The following SPTLC2 variants were observed in gnomAD, a reference collection of about 807,000 sequenced individuals.
SPTLC2 encodes the protein serine palmitoyltransferase long chain base subunit 2, also known as serine palmitoyltransferase 2.
SPTLC2 carries 21 observed loss-of-function variants against 62.0 expected under a neutral mutation model. The ratio of observed to expected loss-of-function variants is 0.34; its 90% confidence interval spans 0.24 to 0.49. The LOEUF is 0.49. Among genes scored for constraint, SPTLC2 ranks in the 20% least tolerant of loss-of-function variants. The pLI is 0.99. For synonymous variants in SPTLC2, 261 were observed against 261.8 expected (o/e 1.00, Z 0.03); for missense variants, 511 against 713.0 (o/e 0.72, Z 3.23).
chr14:77,561,149 G>A (rs903129241), intron 6 of SPTLC2, among the ~76,000 whole-genome samples: 2 of 152,128 alleles, frequency 1.3e-5, no homozygotes, highest in Non-Finnish European at 2.9e-5. Flanking sequence ...CCAGATGATG[G>A]TACAAAACTG....
At chr14:77,521,420 G>T (rs1406486842) in intron 10 of SPTLC2, 26 bp downstream of exon 10, 5 of 1,613,866 alleles carry the variant, frequency 3.1e-6, no homozygotes, top group Non-Finnish European at 4.2e-6. Context: ...AGGACAGACT[G>T]GTCTGTGATC....
chr14:77,613,311 G>T (rs1454188258), intron 1 of SPTLC2, among the ~76,000 whole-genome samples: 1 of 152,144 alleles, frequency 6.6e-6, no homozygotes, highest in Non-Finnish European at 1.5e-5. Flanking sequence ...ACTCCCAAAG[G>T]TTCTTTCCAA....
At chr14:77,612,859 A>G (rs1045054739) in intron 1 of SPTLC2, among the ~76,000 whole-genome samples, 1 of 152,214 alleles carries the variant, frequency 6.6e-6, no homozygotes, top group African/African-American at 2.4e-5. Context: ...TGTAAGCCAG[A>G]GAGCTCTCAT....
intron 2 of SPTLC2, among the ~76,000 whole-genome samples, chr14:77,589,641 T>C (rs2079803938): frequency 1.3e-5 from 2 of 151,918 alleles, no homozygotes. Flanking sequence ...AATACAAAAA[T>C]TAGCCAGGTG....
chr14:77,579,185 C>G (rs140961635), intron 2 of SPTLC2, 76 bp from the exon 3 acceptor site: 2 of 1,487,562 alleles, frequency 1.3e-6, no homozygotes, highest in Non-Finnish European at 1.8e-6. Flanking sequence ...ATGACATGAT[C>G]TTTTATTTAT....
rs528680144 is a variant in SPTLC2 at position 77,615,435 on chromosome 14, A to G, written c.132+1013T>C. 2.0e-5 allele frequency among the ~76,000 whole-genome samples: 3 copies of G among 152,310 alleles called. 1 individual carries two copies. Among genetic ancestry groups the G allele is most frequent in the African/African-American group, 7.2e-5 (3 of 41,572 alleles). On this transcript the variant is annotated intron_variant, in intron 1 of 11. Transcript: ENST00000216484. ...TAAGATCACCATCCTATCAAACTGC[A>G]ACAGTCACACTCCCGCTAAAGGGAA...
chr14:77,566,510 G>A lies in SPTLC2; in HGVS notation c.756+3874C>T, dbSNP rs575123556. ...TAATAGCAATACTAATTATTGCCCA[G>A]GCTGGAGTGCATCGGCGCAATCTCG... On this transcript the variant is annotated intron_variant, in intron 5 of 11. Transcript: ENST00000216484. Among the ~76,000 whole-genome samples the A allele has an allele frequency of 3.3e-5, 5 of 152,324 alleles. 1 individual carries two copies. The highest frequency in any genetic ancestry group is 1.2e-4 in the African/African-American group (5 of 41,562).
At position 77,550,293 on chromosome 14, in the gene SPTLC2, G is replaced by A. The variant is rs535198411; in HGVS notation, c.1303+1803C>T. Among the ~76,000 whole-genome samples the A allele has an allele frequency of 7.2e-5, 11 of 152,308 alleles. No homozygotes were observed. The East Asian group carries it at 1.4e-3, about 19-fold the overall frequency. Reference sequence around the variant, plus strand: ...AAAATTCTGATTTAAGAAAACAGTCGACTGGGCGCGGTGGCTTACGCCTGT... The same window carrying A: ...AAAATTCTGATTTAAGAAAACAGTCAACTGGGCGCGGTGGCTTACGCCTGT... On this transcript the variant is annotated intron_variant, in intron 9 of 11. Transcript: ENST00000216484.
intron 8 of SPTLC2, 145 bp downstream of exon 8, chr14:77,555,155 T>C: frequency 1.2e-6 from 1 of 833,784 alleles, no homozygotes. Flanking sequence ...GAGGAGACAT[T>C]AGAGTCACTC....
At position 77,578,585 on chromosome 14, in the gene SPTLC2, C is replaced by T. The variant is rs940820454; in HGVS notation, c.482+370G>A. Among the ~76,000 whole-genome samples the T allele has an allele frequency of 4.6e-5, 7 of 151,200 alleles. No individual in the cohort carries two copies. In the South Asian group the frequency reaches 6.3e-4, roughly 14 times the overall value. On this transcript the variant is annotated intron_variant, in intron 3 of 11. Coordinates refer to ENST00000216484, the MANE Select transcript of SPTLC2 (RefSeq NM_004863.4). ...AAATACAAAAATTAGCTGGGTGTGG[C>T]GGTGCATGCCTGTAGTCCCAGCTAC... is the stretch of plus-strand genomic sequence containing the variant.
At chr14:77,519,469 C>G (rs954799097) in intron 10 of SPTLC2, among the ~76,000 whole-genome samples, 5 of 151,902 alleles carry the variant, frequency 3.3e-5, no homozygotes, top group Non-Finnish European at 7.4e-5. Flanking sequence ...GTAATCCCAG[C>G]ACTTTGGGAG....
At chr14:77,594,043 CCT>C (rs981602091) in intron 2 of SPTLC2, among the ~76,000 whole-genome samples, 90 of 152,328 alleles carry the variant, frequency 5.9e-4, no homozygotes, top group African/African-American at 2.1e-3. Flanking sequence ...TTAATAAAAT[CCT>C]CTCCATAAAC....
intron 1 of SPTLC2, among the ~76,000 whole-genome samples, chr14:77,606,946 G>A (rs1230667086): frequency 3.3e-5 from 5 of 151,048 alleles, no homozygotes; most frequent in African/African-American, 4.9e-5. Context: ...CCATGATGGC[G>A]CCACTGCACT....
intron 2 of SPTLC2, among the ~76,000 whole-genome samples, chr14:77,591,349 T>G (rs2079815467): frequency 6.6e-6 from 1 of 152,190 alleles, no homozygotes; most frequent in Non-Finnish European, 1.5e-5. Flanking sequence ...AAGGAGTGAC[T>G]GCTAATGGTT....
intron 1 of SPTLC2, among the ~76,000 whole-genome samples, chr14:77,612,076 G>A (rs1177800396): frequency 1.3e-5 from 2 of 152,134 alleles, no homozygotes; most frequent in Non-Finnish European, 2.9e-5. Flanking sequence ...AAGCTTCTCA[G>A]AAACTACCCA....
At chr14:77,545,300 CT>C (rs2079522163) in intron 9 of SPTLC2, among the ~76,000 whole-genome samples, 1 of 150,168 alleles carries the variant, frequency 6.7e-6, no homozygotes, top group South Asian at 2.1e-4. Flanking sequence ...GAGTTTCACT[CT>C]TGTCTCCCAG....
intron 2 of SPTLC2, among the ~76,000 whole-genome samples, chr14:77,586,826 T>C (rs990152656): frequency 4.6e-5 from 7 of 152,176 alleles, no homozygotes; most frequent in South Asian, 2.1e-4. Flanking sequence ...CACTGGGCAA[T>C]AGAGAATTGC....
intron 9 of SPTLC2, among the ~76,000 whole-genome samples, chr14:77,522,975 C>G (rs1031431467): frequency 1.3e-5 from 2 of 152,184 alleles, no homozygotes; most frequent in African/African-American, 4.8e-5. Flanking sequence ...AAAATTAATA[C>G]TCTTTATGTA....
chr14:77,559,031 A>C lies in SPTLC2; in HGVS notation c.851-1885T>G, dbSNP rs1405730486. Among the ~76,000 whole-genome samples the C allele has an allele frequency of 2.6e-5, 4 of 152,228 alleles. No homozygotes were observed. The East Asian group carries it at 5.8e-4, about 22-fold the overall frequency. On this transcript the variant is annotated intron_variant, in intron 6 of 11. Coordinates refer to ENST00000216484, the MANE Select transcript of SPTLC2 (RefSeq NM_004863.4). ...TACTGGTCAAAATTTTAGATAAAAG[A>C]AGCATCAGCCAGGTGTGGTGGCTCA... is the stretch of plus-strand genomic sequence containing the variant.
Sources: allele counts gnomAD v4.1 joint callset (sites outside exome capture counted in the v4.1 genomes callset), GRCh38; gene constraint gnomAD v4.1.1; transcripts MANE v1.5; gene names NCBI Gene and HGNC (gene_info 2026-07-23, HGNC 2026-07-21).